Variants in LYN observed in about 807,000 individuals in gnomAD.
The protein encoded by LYN is LYN proto-oncogene, Src family tyrosine kinase.
A neutral mutation model predicts 65.0 loss-of-function variants in LYN; 12 were observed. That is an observed-to-expected ratio of 0.18 (90% CI 0.12 to 0.30). The LOEUF is 0.30. LYN is among the 10% of genes least tolerant of loss of function. The pLI is 1.00. For missense variants in LYN, 380 were observed against 623.2 expected, an observed-to-expected ratio of 0.61 and a Z score of 4.16; for synonymous variants, 222 against 221.2, an observed-to-expected ratio of 1.00 and a Z score of -0.03.
intron 8 of LYN, among the ~76,000 whole-genome samples, chr8:55,966,277 T>A (rs1310232062): frequency 6.6e-6 from 1 of 152,220 alleles, no homozygotes; most frequent in Non-Finnish European, 1.5e-5. Flanking sequence ...TAGCCTCCCC[T>A]AATTTTATCA....
intron 8 of LYN, among the ~76,000 whole-genome samples, chr8:55,957,461 C>T (rs1807154641): frequency 6.6e-6 from 1 of 152,148 alleles, no homozygotes; most frequent in South Asian, 2.1e-4. Context: ...ACTGGTTCAT[C>T]CTAAATCAGT....
At position 55,936,973 on chromosome 8, in the gene LYN, C is replaced by T. The variant is rs1229680482; in HGVS notation, c.-5-4882C>T. Among the ~76,000 whole-genome samples, 4 of 147,168 alleles carry T rather than the reference C, an allele frequency of 2.7e-5. No individual in the cohort carries two copies. In the East Asian group the frequency reaches 7.7e-4, roughly 28 times the overall value. On this transcript the variant is annotated intron_variant, in intron 1 of 12. Coordinates refer to ENST00000519728, the MANE Select transcript of LYN (RefSeq NM_002350.4). ...AGGCACATACGTGTTTATCCCTTTTCTACCCCCCACGTCTTTTGTCTCTGA... is the reference window on the plus strand; with the variant it reads ...AGGCACATACGTGTTTATCCCTTTTTTACCCCCCACGTCTTTTGTCTCTGA...
At chr8:55,931,593 T>C (rs571438685) in intron 1 of LYN, among the ~76,000 whole-genome samples, 2 of 152,170 alleles carry the variant, frequency 1.3e-5, no homozygotes, top group African/African-American at 4.8e-5. Flanking sequence ...TTTCTATTCA[T>C]TTGTACCTTT....
chr8:55,975,964 G>T (rs762959855), intron 10 of LYN, among the ~76,000 whole-genome samples: 51 of 152,086 alleles, frequency 3.4e-4, no homozygotes, highest in Non-Finnish European at 6.3e-4. Context: ...GGTGCTTTTG[G>T]CCTGCAGGCA....
At chr8:55,969,680 T>G in intron 9 of LYN, 37 bp from the exon 10 acceptor site, 1 of 1,480,736 alleles carries the variant, frequency 6.8e-7, no homozygotes, top group Non-Finnish European at 9.4e-7. Context: ...TTCTTGTGTG[T>G]TTGGAATGCA....
At chr8:55,897,804 T>A (rs1017220980) in intron 1 of LYN, among the ~76,000 whole-genome samples, 2 of 152,026 alleles carry the variant, frequency 1.3e-5, no homozygotes, top group African/African-American at 4.8e-5. Flanking sequence ...TCCCAGCTAC[T>A]CAGGAGGCTG....
rs13280999 is a variant in LYN, at chr8:55,887,569, T to A, written c.-6+7466T>A. Among the ~76,000 whole-genome samples, 54 of 40,268 alleles carry A rather than the reference T, an allele frequency of 1.3e-3. No individual in the cohort carries two copies. The East Asian group carries it at 0.019, about 14-fold the overall frequency. 26.4% of individuals were successfully genotyped at this position (40,268 alleles called of 152,430 possible). Reference sequence around the variant, plus strand: ...ATATAAAAATATAAATATATATATATATATATACACACACACACACACACA... The same window carrying A: ...ATATAAAAATATAAATATATATATAAATATATACACACACACACACACACA... On this transcript the variant is annotated intron_variant, in intron 1 of 12. Coordinates refer to ENST00000519728, the MANE Select transcript of LYN (RefSeq NM_002350.4).
At chr8:55,999,373 T>G in intron 11 of LYN, 45 bp from the exon 12 acceptor site, 1 of 1,575,476 alleles carries the variant, frequency 6.3e-7, no homozygotes, top group Non-Finnish European at 8.7e-7. Flanking sequence ...ACTTTTTTGT[T>G]TAAGTTTAAA....
rs1379592685 is a variant in LYN, at chr8:55,908,989, G to GTGTATATATA, written c.-6+28887_-6+28888insGTATATATAT. Reference sequence around the variant, plus strand: ...GGCTGAATGGTATTCCATTGTGTATGTATATATATATATATATATATACAC... The same window carrying GTGTATATATA: ...GGCTGAATGGTATTCCATTGTGTATGTGTATATATATATATATATATATATATATATACAC... On this transcript the variant is annotated intron_variant, in intron 1 of 12. Transcript: ENST00000519728. 4.4e-4 allele frequency among the ~76,000 whole-genome samples: 9 copies of GTGTATATATA among 20,388 alleles called. 2 individuals carry two copies. The highest frequency in any genetic ancestry group is 2.3e-3 in the South Asian group (2 of 888). 13.4% of individuals were successfully genotyped at this position (20,388 alleles called of 152,430 possible). A position where few individuals can be genotyped will look rare whatever the true frequency, so the allele number is the denominator to read the frequency against.
At chr8:55,961,411 T>A (rs1238425249) in intron 8 of LYN, among the ~76,000 whole-genome samples, 1 of 152,206 alleles carries the variant, frequency 6.6e-6, no homozygotes, top group East Asian at 1.9e-4. Flanking sequence ...GATTTGATCC[T>A]TAGCACTGAA....
intron 1 of LYN, among the ~76,000 whole-genome samples, chr8:55,905,839 G>A (rs1347656751): frequency 6.6e-6 from 1 of 152,112 alleles, no homozygotes; most frequent in Non-Finnish European, 1.5e-5. Flanking sequence ...ATTAGGCCTG[G>A]AGTGTCTCCC....
intron 8 of LYN, among the ~76,000 whole-genome samples, chr8:55,963,216 T>G (rs556077365): frequency 6.6e-6 from 1 of 152,346 alleles, no homozygotes; most frequent in East Asian, 1.9e-4. Flanking sequence ...ATGCATGAGC[T>G]CTAGGGTGAG....
chr8:55,950,565 C>T lies in LYN; in HGVS notation c.383+8C>T. On this transcript the variant is annotated splice_region_variant and intron_variant, in intron 5 of 12. Coordinates refer to ENST00000519728, the MANE Select transcript of LYN (RefSeq NM_002350.4). ...CACCTTAGAAACAGAAGAGTGAGTCCTCATGTGTTGTCATCTTGGTGGCTT... is the reference window on the plus strand; with the variant it reads ...CACCTTAGAAACAGAAGAGTGAGTCTTCATGTGTTGTCATCTTGGTGGCTT... 1 of 1,610,270 alleles carries T rather than the reference C, an allele frequency of 6.2e-7. No homozygotes were observed. Among genetic ancestry groups the T allele is most frequent in the South Asian group, 1.1e-5 (1 of 90,840 alleles).
At chr8:55,882,208 A>G (rs1156875089) in intron 1 of LYN, among the ~76,000 whole-genome samples, 2 of 152,306 alleles carry the variant, frequency 1.3e-5, no homozygotes, top group South Asian at 4.1e-4. Context: ...TAGTTGGCCC[A>G]ATCCAGAAGA....
rs1309483500 is a variant in LYN at position 55,911,282 on chromosome 8, TA to T, written c.-5-30572del. 5.0e-4 allele frequency among the ~76,000 whole-genome samples: 24 copies of T among 47,800 alleles called. 1 individual carries two copies. Among genetic ancestry groups the T allele is most frequent in the African/African-American group, 2.2e-3 (22 of 10,208 alleles). 31.4% of individuals were successfully genotyped at this position (47,800 alleles called of 152,430 possible). ...GTATATATATATATATATATATATATATATTTTTTTTTTTTTTTTAGTAGAG... is the reference window on the plus strand; with the variant it reads ...GTATATATATATATATATATATATATTATTTTTTTTTTTTTTTTAGTAGAG... On this transcript the variant is annotated intron_variant, in intron 1 of 12. Coordinates refer to ENST00000519728, the MANE Select transcript of LYN (RefSeq NM_002350.4).
intron 10 of LYN, among the ~76,000 whole-genome samples, chr8:55,997,970 G>C (rs569537212): frequency 6.6e-6 from 1 of 152,198 alleles, no homozygotes; most frequent in Non-Finnish European, 1.5e-5. Flanking sequence ...TGTAGTCCCA[G>C]CTACTCGGGA....
intron 1 of LYN, chr8:55,893,609 G>T (rs560065998): frequency 5.9e-4 from 90 of 152,326 alleles, no homozygotes; most frequent in African/African-American, 2.1e-3. Context: ...ATGAAGTCAT[G>T]CTTCACTTAT....
chr8:55,888,753 T>A (rs1428831045), intron 1 of LYN, among the ~76,000 whole-genome samples: 1 of 152,196 alleles, frequency 6.6e-6, no homozygotes, highest in East Asian at 1.9e-4. Context: ...TGTTTTGTTT[T>A]TGAGACAGAG....
chr8:55,982,210 C>G (rs1363315884), intron 10 of LYN, among the ~76,000 whole-genome samples: 1 of 152,072 alleles, frequency 6.6e-6, no homozygotes, highest in Non-Finnish European at 1.5e-5. Flanking sequence ...GTTACAGAGC[C>G]AACTACTTGC....
Sources: allele counts gnomAD v4.1 joint callset (sites outside exome capture counted in the v4.1 genomes callset), GRCh38; gene constraint gnomAD v4.1.1; transcripts MANE v1.5; gene names NCBI Gene and HGNC (gene_info 2026-07-23, HGNC 2026-07-21).